Variants in AP4E1 observed in about 807,000 individuals in gnomAD.
The protein encoded by AP4E1 is AP-4 complex subunit epsilon-1.
AP4E1 carries 56 observed loss-of-function variants against 128.2 expected under a neutral mutation model. That is an observed-to-expected ratio of 0.44 (90% CI 0.35 to 0.55). The LOEUF (loss-of-function observed/expected upper bound fraction) is 0.55. Ranked by LOEUF, AP4E1 falls within the 20% of genes least tolerant of loss-of-function variation. AP4E1 has a pLI of 0.00. For synonymous variants in AP4E1, 484 were observed against 473.1 expected (o/e 1.02, Z -0.30); for missense variants, 1,324 against 1,307.7 (o/e 1.01, Z -0.19).
chr15:50,922,163 C>CAAAAAAAAAAAAA (rs34829950), intron 3 of AP4E1, among the ~76,000 whole-genome samples: 1 of 79,750 alleles, frequency 1.3e-5, no homozygotes. Context: ...CCTATCTCTA[C>CAAAAAAAAAAAAA]AAAAAAAAAA....
At chr15:50,968,454 A>T in intron 15 of AP4E1, 77 bp downstream of exon 15, 13 of 1,025,004 alleles carry the variant, frequency 1.3e-5, no homozygotes, top group Admixed American at 2.0e-5. Context: ...AAGTAAATAA[A>T]TAAAGATATT....
At chr15:50,915,367 C>T (rs528904681) in intron 2 of AP4E1, 81 bp from the exon 3 acceptor site, 2 of 1,418,046 alleles carry the variant, frequency 1.4e-6, no homozygotes, top group African/African-American at 1.4e-5. Context: ...AAAGGATTCT[C>T]CTTTTAAATT....
chr15:50,999,366 A>G lies in AP4E1; in HGVS notation c.3095+104A>G, dbSNP rs1331028908. On this transcript the variant is annotated intron_variant, in intron 19 of 20. Transcript: ENST00000261842. ...TATGTTGGGTGCTAGGGAGTATAAC[A>G]GTTAAAAACTACGCACAGTTCCTAC... 4 of 977,782 alleles carry G rather than the reference A, an allele frequency of 4.1e-6. No individual in the cohort carries two copies. The Admixed American group carries it at 9.6e-5, about 24-fold the overall frequency. 60.6% of individuals were successfully genotyped at this position (977,782 alleles called of 1,614,324 possible).
chr15:50,975,317 A>C (rs2064536991), intron 15 of AP4E1, among the ~76,000 whole-genome samples: 1 of 152,214 alleles, frequency 6.6e-6, no homozygotes, highest in South Asian at 2.1e-4. Context: ...AGGCAGGAGA[A>C]TCACTTGAAC....
intron 17 of AP4E1, among the ~76,000 whole-genome samples, chr15:50,993,849 T>C (rs891529299): frequency 1.3e-5 from 2 of 152,218 alleles, no homozygotes; most frequent in Non-Finnish European, 2.9e-5. Flanking sequence ...GTGTTCTCTG[T>C]AGCCCAGTCA....
chr15:50,945,883 T>G, intron 10 of AP4E1: 1 of 933,932 alleles, frequency 1.1e-6, no homozygotes, highest in Non-Finnish European at 1.8e-6. Flanking sequence ...TCAGGAACAG[T>G]GCATCATGAA....
At chr15:50,910,390 G>A (rs551460690) in intron 1 of AP4E1, among the ~76,000 whole-genome samples, 110 of 152,322 alleles carry the variant, frequency 7.2e-4, no homozygotes, top group African/African-American at 2.5e-3. Context: ...TTGTTCAACA[G>A]ATGTTTATGG....
intron 13 of AP4E1, among the ~76,000 whole-genome samples, chr15:50,955,947 G>C (rs1474788787): frequency 6.6e-6 from 1 of 152,136 alleles, no homozygotes; most frequent in Non-Finnish European, 1.5e-5. Context: ...GAGGGTTACT[G>C]TCTGAAACTT....
rs746494867 is a variant in AP4E1 at position 50,981,734 on chromosome 15, C to T, written c.1967-2288C>T. ...GACCTAATAAGAGGTGATTAGGTCA[C>T]GAGGGCTCTGCCCTCACAAATGAAT... On this transcript the variant is annotated intron_variant, in intron 15 of 20. Transcript: ENST00000261842. Among the ~76,000 whole-genome samples, 8 of 152,238 alleles carry T rather than the reference C, an allele frequency of 5.3e-5. No homozygotes were observed. The South Asian group carries it at 1.2e-3, about 24-fold the overall frequency.
intron 15 of AP4E1, among the ~76,000 whole-genome samples, chr15:50,970,921 A>G (rs2064469415): frequency 6.7e-6 from 1 of 148,210 alleles, no homozygotes. Context: ...TTTTCTGGGT[A>G]TTTTACATAT....
At chr15:50,941,349 C>G in intron 8 of AP4E1, 93 bp from the exon 9 acceptor site, 1 of 1,414,788 alleles carries the variant, frequency 7.1e-7, no homozygotes, top group Non-Finnish European at 9.8e-7. Context: ...CTAAAATGGA[C>G]TTTCCAATTA....
rs2064975068 is a variant in AP4E1, at chr15:51,002,390, G to C, written c.3254-112G>C. 10 of 1,117,388 alleles carry C rather than the reference G, an allele frequency of 8.9e-6. No individual in the cohort carries two copies. In the South Asian group the frequency reaches 1.3e-4, roughly 14 times the overall value. 69.2% of individuals were successfully genotyped at this position (1,117,388 alleles called of 1,614,324 possible). On this transcript the variant is annotated intron_variant, in intron 20 of 20. Transcript: ENST00000261842. The stretch of plus-strand genomic sequence containing the variant: ...CAATTTGCAGTCTCCTTAGTGGTTA[G>C]TGATATTGAGTATCTTTTCATGTGC...
rs1327109242 is a variant in AP4E1 at position 51,002,633 on chromosome 15, C to T, written c.3385C>T (p.Gln1129Ter). ...CSTLPDYLLY[Q>*]CQKVMEGS The stretch of plus-strand genomic sequence containing the variant: ...TACTCTTCCTGACTATTTACTGTAT[C>T]AGTGTCAAAAGGTGATGGAGGGATC... The change falls in exon 21 of 21, where the codon CAG becomes TAG. Residue 1129 changes from glutamine to a stop codon, truncating the protein, a stop_gained. Transcript: ENST00000261842. LOFTEE classifies it high-confidence loss of function. 4 of 1,613,978 alleles carry T rather than the reference C, an allele frequency of 2.5e-6. No individual in the cohort carries two copies. The highest frequency in any genetic ancestry group is 3.4e-6 in the Non-Finnish European group (4 of 1,179,980).
intron 3 of AP4E1, among the ~76,000 whole-genome samples, chr15:50,920,693 C>T (rs1014607348): frequency 3.3e-5 from 5 of 152,106 alleles, no homozygotes; most frequent in Admixed American, 6.5e-5. Flanking sequence ...CCACTGCGCC[C>T]GGCCATTTTA....
At chr15:50,984,807 C>A (rs2064694783) in intron 16 of AP4E1, among the ~76,000 whole-genome samples, 3 of 152,066 alleles carry the variant, frequency 2.0e-5, no homozygotes, top group African/African-American at 4.8e-5. Flanking sequence ...ATTTATACTC[C>A]TTTGGGTATA....
chr15:50,971,540 T>C (rs1188983418), intron 15 of AP4E1, among the ~76,000 whole-genome samples: 29 of 152,150 alleles, frequency 1.9e-4, no homozygotes. Context: ...TTTCTTCATA[T>C]CTTCCCTTCT....
At position 50,977,870 on chromosome 15, in the gene AP4E1, CA is replaced by C. The variant is rs559490636; in HGVS notation, c.1967-6151del. Among the ~76,000 whole-genome samples the C allele has an allele frequency of 3.9e-5, 6 of 152,070 alleles. No individual in the cohort carries two copies. The South Asian group carries it at 1.0e-3, about 26-fold the overall frequency. ...GACAACTGGTGCATGCCACCACATC[CA>C]GCTAATTTTTGTATTTTTAGTAGCG... is the stretch of plus-strand genomic sequence containing the variant. On this transcript the variant is annotated intron_variant, in intron 15 of 20. Transcript: ENST00000261842.
At chr15:50,922,798 G>GTTTT (rs1381704387) in intron 3 of AP4E1, among the ~76,000 whole-genome samples, 1 of 147,100 alleles carries the variant, frequency 6.8e-6, no homozygotes, top group Non-Finnish European at 1.5e-5. Flanking sequence ...TTTTTTTTGA[G>GTTTT]ACCGAGTCTT....
intron 6 of AP4E1, among the ~76,000 whole-genome samples, chr15:50,929,798 G>A (rs2063809877): frequency 6.6e-6 from 1 of 151,940 alleles, no homozygotes; most frequent in Non-Finnish European, 1.5e-5. Flanking sequence ...AAATAGTACA[G>A]TTTAAATAAA....
Sources: allele counts gnomAD v4.1 joint callset (sites outside exome capture counted in the v4.1 genomes callset), GRCh38; gene constraint gnomAD v4.1.1; transcripts MANE v1.5; gene names NCBI Gene and HGNC (gene_info 2026-07-23, HGNC 2026-07-21).